The following RHOBTB2 variants were observed in gnomAD, a reference collection of about 807,000 sequenced individuals.
RHOBTB2 encodes rho-related BTB domain-containing protein 2.
Under a neutral mutation model 66.5 loss-of-function variants are expected in RHOBTB2, and 39 were observed. That is an observed-to-expected ratio of 0.59 (90% CI 0.45 to 0.77). The LOEUF is 0.77. RHOBTB2 is among the 30% of genes least tolerant of loss of function. The pLI is 0.00. For missense variants in RHOBTB2, 755 were observed against 999.1 expected (o/e 0.76, Z 3.29); for synonymous variants, 390 against 395.0 (o/e 0.99, Z 0.15).
At chr8:23,015,577 G>A in intron 8 of RHOBTB2, 61 bp from the exon 9 acceptor site, 1 of 1,199,480 alleles carries the variant, frequency 8.3e-7, no homozygotes, top group South Asian at 1.3e-5. Flanking sequence ...AGCTGGAGGT[G>A]TCTATGCAGA....
intron 1 of RHOBTB2, among the ~76,000 whole-genome samples, chr8:22,989,100 T>G (rs1481593540): frequency 1.3e-5 from 2 of 152,200 alleles, no homozygotes; most frequent in East Asian, 3.8e-4. Flanking sequence ...ACACGCATAC[T>G]TTCCTTCAAT....
chr8:23,009,836 C>T (rs1353988847), intron 6 of RHOBTB2, among the ~76,000 whole-genome samples: 5 of 152,142 alleles, frequency 3.3e-5, no homozygotes, highest in African/African-American at 1.2e-4. Context: ...GCCTGCCAGC[C>T]CCGGGCACTT....
At chr8:22,963,598 CA>C in the RHOBTB2 span, among the ~76,000 whole-genome samples, 2 of 151,910 alleles carry the variant, frequency 1.3e-5, no homozygotes, top group African/African-American at 4.8e-5. Flanking sequence ...AAGACATACC[CA>C]AGACTGAGCA....
the RHOBTB2 span, among the ~76,000 whole-genome samples, chr8:22,981,568 G>A: frequency 2.6e-5 from 4 of 152,172 alleles, no homozygotes; most frequent in Non-Finnish European, 5.9e-5. Context: ...TCCTTGCCTC[G>A]AATTAGGGAA....
chr8:22,998,232 C>T (rs1485825694), upstream of RHOBTB2, among the ~76,000 whole-genome samples: 3 of 152,184 alleles, frequency 2.0e-5, no homozygotes, highest in Non-Finnish European at 4.4e-5. Context: ...ATTTTTAACC[C>T]GGCTTTCTTT....
At chr8:22,991,174 C>T (rs1445206530) in intron 1 of RHOBTB2, among the ~76,000 whole-genome samples, 1 of 152,164 alleles carries the variant, frequency 6.6e-6, no homozygotes, top group East Asian at 1.9e-4. Context: ...AAGGCCAAAG[C>T]AATGCAGCTG....
chr8:22,967,183 G>A, the RHOBTB2 span, among the ~76,000 whole-genome samples: 1 of 152,102 alleles, frequency 6.6e-6, no homozygotes, highest in African/African-American at 2.4e-5. Flanking sequence ...TGAACGAATG[G>A]ATAAATAAAA....
chr8:23,011,368 C>T (rs80118378), intron 7 of RHOBTB2, among the ~76,000 whole-genome samples: 26 of 152,126 alleles, frequency 1.7e-4, no homozygotes, highest in Non-Finnish European at 1.0e-4. Context: ...ACATTTCTAC[C>T]CTGTGGTTCT....
upstream of RHOBTB2, among the ~76,000 whole-genome samples, chr8:22,985,423 A>C (rs1282644030): frequency 6.6e-6 from 1 of 152,204 alleles, no homozygotes; most frequent in Non-Finnish European, 1.5e-5. Flanking sequence ...GTGCTTAACT[A>C]GGAGGCTGCA....
Position 23,006,617 on chromosome 8 carries a change from T to C in RHOBTB2, c.483-111T>C. On this transcript the variant is annotated intron_variant, in intron 4 of 9. Transcript: ENST00000251822. The surrounding 1 kb of genome is among the most constrained non-coding windows in gnomAD (Gnocchi z 6.1). ...TTGGCCAGACAGAGCAGGGCAGGAG[T>C]GGGTGGGGATTGGCACCCAGATCCT... is the stretch of plus-strand genomic sequence containing the variant. 1 of 1,018,620 alleles carries C rather than the reference T, an allele frequency of 9.8e-7. No individual in the cohort carries two copies. The highest frequency in any genetic ancestry group is 2.4e-5 in the East Asian group (1 of 41,576). The allele number at this position is 1,018,620 out of a possible 1,614,324, so 63.1% of individuals were successfully genotyped here. A position where few individuals can be genotyped will look rare whatever the true frequency, so the allele number is the denominator to read the frequency against.
chr8:22,999,970 A>G lies in RHOBTB2; in HGVS notation c.-146A>G. The G allele has an allele frequency of 1.0e-5, 10 of 985,550 alleles. No homozygotes were observed. The highest frequency in any genetic ancestry group is 1.1e-5 in the Non-Finnish European group (9 of 830,038). 61.1% of individuals were successfully genotyped at this position (985,550 alleles called of 1,614,324 possible). A position where few individuals can be genotyped will look rare whatever the true frequency, so the allele number is the denominator to read the frequency against. On this transcript the variant is annotated 5_prime_UTR_variant, in exon 1 of 10. Transcript: ENST00000251822. ...CGAGCTGGCCGGGAGGCTGGAGCCC[A>G]GCAGCAGCGCGGCGGCGCCGGCGTC...
At chr8:22,962,022 G>A in the RHOBTB2 span, among the ~76,000 whole-genome samples, 1 of 151,828 alleles carries the variant, frequency 6.6e-6, no homozygotes, top group South Asian at 2.1e-4. Context: ...AAAGCCAGGT[G>A]CAGTTGCTGG....
At chr8:22,969,044 T>A in the RHOBTB2 span, among the ~76,000 whole-genome samples, 1 of 152,102 alleles carries the variant, frequency 6.6e-6, no homozygotes, top group Non-Finnish European at 1.5e-5. Context: ...TACCCGAGAC[T>A]GGGTGATTTA....
At chr8:23,016,332 T>C (rs1320346272) in intron 9 of RHOBTB2, among the ~76,000 whole-genome samples, 1 of 152,220 alleles carries the variant, frequency 6.6e-6, no homozygotes, top group Non-Finnish European at 1.5e-5. Flanking sequence ...TCCTCCCTGC[T>C]GCCGTGTTTT....
chr8:23,001,836 G>A (rs1181938257), intron 1 of RHOBTB2, among the ~76,000 whole-genome samples: 1 of 152,198 alleles, frequency 6.6e-6, no homozygotes, highest in Admixed American at 6.5e-5. Context: ...CAAGGGGACT[G>A]CTGAAGGGGC....
chr8:22,998,163 A>G (rs563420564), upstream of RHOBTB2, among the ~76,000 whole-genome samples: 405 of 152,318 alleles, frequency 2.7e-3, 1 homozygote, highest in Non-Finnish European at 4.2e-3. Context: ...ACCTTGAGGG[A>G]CAGCTTCCAA....
At chr8:22,994,452 G>T in intron 2 of RHOBTB2, 1 of 644,234 alleles carries the variant, frequency 1.6e-6, no homozygotes, top group Non-Finnish European at 2.7e-6. Flanking sequence ...CCTGAGTAGG[G>T]CCCTCTATCT....
At chr8:23,005,530 C>T in intron 3 of RHOBTB2, 55 bp downstream of exon 3, 1 of 1,180,060 alleles carries the variant, frequency 8.5e-7, no homozygotes, top group East Asian at 2.3e-5. Context: ...TTTTTCCCTG[C>T]TTTTCCCAGG....
rs1402515074 is a variant in RHOBTB2, at chr8:23,006,936, G to A, written c.691G>A (p.Ala231Thr). 2.5e-6 allele frequency: 4 copies of A among 1,613,052 alleles called. No individual in the cohort carries two copies. Among genetic ancestry groups the A allele is most frequent in the Admixed American group, 1.7e-5 (1 of 60,020 alleles). Residue 231 changes from alanine to threonine, a missense_variant, in exon 5 of 10, where the codon GCA (alanine) becomes ACA (threonine). This residue lies in a region of RHOBTB2 where 247 missense variants were observed against 238.9 expected (regional missense o/e 1.03). Coordinates refer to ENST00000251822, the MANE Select transcript of RHOBTB2 (RefSeq NM_015178.3). The surrounding 1 kb of genome is among the most constrained non-coding windows in gnomAD (Gnocchi z 6.1). ...CAATGTGCAGCGGCCTCTGCTGCAG[G>A]CACCCTTCCTACCCCCCAAGCCACC... ...LRNVQRPLLQ[A>T]PFLPPKPPPP...
Sources: allele counts gnomAD v4.1 joint callset (sites outside exome capture counted in the v4.1 genomes callset), GRCh38; gene constraint gnomAD v4.1.1; regional missense constraint gnomAD v4.1.1; non-coding constraint Gnocchi (gnomAD v3.1); transcripts MANE v1.5; gene names NCBI Gene and HGNC (gene_info 2026-07-23, HGNC 2026-07-21).